The following WDR70 variants were observed in gnomAD, a reference collection of about 807,000 sequenced individuals.
WDR70 encodes the protein WD repeat domain 70, also known as WD repeat-containing protein 70.
WDR70 carries 53 observed loss-of-function variants against 88.6 expected under a neutral mutation model. That is an observed-to-expected ratio of 0.60 (90% CI 0.48 to 0.75). The LOEUF is 0.75. Ranked by LOEUF, WDR70 falls within the 30% of genes least tolerant of loss-of-function variation. The pLI is 0.00. For missense variants in WDR70, 610 were observed against 823.2 expected (o/e 0.74, Z 3.17); for synonymous variants, 280 against 270.0 (o/e 1.04, Z -0.36).
intron 3 of WDR70, among the ~76,000 whole-genome samples, chr5:37,387,464 A>G (rs1748657383): frequency 6.6e-6 from 1 of 152,188 alleles, no homozygotes; most frequent in African/African-American, 2.4e-5. Flanking sequence ...ATTTTTGTGG[A>G]CAAATTATTG....
chr5:37,489,814 C>A (rs1267035884), intron 8 of WDR70, among the ~76,000 whole-genome samples: 1 of 151,462 alleles, frequency 6.6e-6, no homozygotes, highest in Non-Finnish European at 1.5e-5. Context: ...TATTATTATA[C>A]TTTAAGTTTT....
intron 8 of WDR70, among the ~76,000 whole-genome samples, chr5:37,488,095 T>TTTTTTTTTTTC: frequency 7.0e-6 from 1 of 143,122 alleles, no homozygotes; most frequent in Non-Finnish European, 1.5e-5. Flanking sequence ...TTTTTTTTTT[T>TTTTTTTTTTTC]CCTTTCAGCA....
At chr5:37,506,242 C>G (rs1740556818) in intron 8 of WDR70, 2 of 943,732 alleles carry the variant, frequency 2.1e-6, no homozygotes, top group African/African-American at 1.6e-5. Flanking sequence ...AAAAATCGGA[C>G]AAATTCCTTT....
chr5:37,416,216 G>A (rs2111975916), intron 5 of WDR70, among the ~76,000 whole-genome samples: 3 of 152,304 alleles, frequency 2.0e-5, no homozygotes, highest in Admixed American at 2.0e-4. Flanking sequence ...TCCAGCCTGG[G>A]CACCACTGAG....
chr5:37,689,131 G>T (rs1048691870), intron 10 of WDR70, among the ~76,000 whole-genome samples: 1 of 152,242 alleles, frequency 6.6e-6, no homozygotes, highest in African/African-American at 2.4e-5. Flanking sequence ...CCTGGCTGGG[G>T]GAGGGGCGTC....
In WDR70 at chr5:37,640,881, G is replaced by A. The variant is rs192937749; in HGVS notation, c.1092+35643G>A. Among the ~76,000 whole-genome samples the A allele has an allele frequency of 2.5e-3, 384 of 152,268 alleles. 1 individual carries two copies. The highest frequency in any genetic ancestry group is 4.2e-3 in the Non-Finnish European group (285 of 68,008). ...TCACTTGAATAAAATTGAGGTTTGG[G>A]TAGCGTCCTTAAATTCTCTATAGGT... On this transcript the variant is annotated intron_variant, in intron 10 of 17. Coordinates refer to ENST00000265107, the MANE Select transcript of WDR70 (RefSeq NM_018034.4).
intron 8 of WDR70, among the ~76,000 whole-genome samples, chr5:37,510,944 C>A (rs1445264267): frequency 5.3e-5 from 8 of 152,102 alleles, no homozygotes; most frequent in African/African-American, 1.9e-4. Context: ...TTCATCATAC[C>A]AGGAAGTATG....
At chr5:37,461,469 A>G (rs908795710) in intron 7 of WDR70, among the ~76,000 whole-genome samples, 1 of 151,616 alleles carries the variant, frequency 6.6e-6, no homozygotes, top group African/African-American at 2.4e-5. Flanking sequence ...GATGGATGCT[A>G]TAGTTTTGTT....
intron 2 of WDR70, among the ~76,000 whole-genome samples, chr5:37,380,292 T>C (rs1748384998): frequency 6.6e-6 from 1 of 152,186 alleles, no homozygotes; most frequent in Non-Finnish European, 1.5e-5. Context: ...CTTACACATA[T>C]TGGCCTTGGG....
intron 9 of WDR70, among the ~76,000 whole-genome samples, chr5:37,560,335 T>A (rs556037456): frequency 6.6e-5 from 10 of 152,294 alleles, no homozygotes; most frequent in African/African-American, 2.2e-4. Context: ...TTAAAGTTAT[T>A]TCTCTGACCT....
chr5:37,537,193 G>T (rs1741692349), intron 9 of WDR70, among the ~76,000 whole-genome samples: 1 of 152,194 alleles, frequency 6.6e-6, no homozygotes, highest in African/African-American at 2.4e-5. Flanking sequence ...AGCGGAAGCA[G>T]TTGGGAAGAA....
intron 10 of WDR70, among the ~76,000 whole-genome samples, chr5:37,663,680 G>A (rs1159847570): frequency 2.0e-5 from 3 of 152,062 alleles, no homozygotes; most frequent in South Asian, 2.1e-4. Context: ...ACAATAGGCC[G>A]GACTTCTGGT....
chr5:37,516,876 C>G (rs921171833), intron 9 of WDR70, among the ~76,000 whole-genome samples: 1 of 151,596 alleles, frequency 6.6e-6, no homozygotes, highest in Non-Finnish European at 1.5e-5. Context: ...TGCCCCACCA[C>G]CACACCCGGC....
intron 3 of WDR70, among the ~76,000 whole-genome samples, chr5:37,390,363 C>T (rs1358929000): frequency 2.1e-5 from 3 of 146,338 alleles, no homozygotes; most frequent in Non-Finnish European, 3.0e-5. Flanking sequence ...TTTTGGAGAC[C>T]GAGTCTCACT....
intron 7 of WDR70, among the ~76,000 whole-genome samples, chr5:37,461,266 T>G (rs997309542): frequency 6.6e-5 from 10 of 152,050 alleles, no homozygotes; most frequent in Admixed American, 6.5e-4. Flanking sequence ...TCACAACCGC[T>G]TATTATTTTG....
chr5:37,703,169 G>C, intron 13 of WDR70, 82 bp downstream of exon 13: 6 of 1,538,856 alleles, frequency 3.9e-6, no homozygotes, highest in Non-Finnish European at 4.4e-6. Context: ...TTGTTAAGTA[G>C]AATATAAGCC....
At chr5:37,610,766 A>G (rs1744169855) in intron 10 of WDR70, among the ~76,000 whole-genome samples, 1 of 152,186 alleles carries the variant, frequency 6.6e-6, no homozygotes, top group African/African-American at 2.4e-5. Flanking sequence ...GGGAAGGCAG[A>G]GGTCAGGTGG....
intron 9 of WDR70, among the ~76,000 whole-genome samples, chr5:37,519,984 A>C (rs1006157963): frequency 6.6e-6 from 1 of 152,198 alleles, no homozygotes; most frequent in African/African-American, 2.4e-5. Context: ...TCCATGACTC[A>C]AGAATATTAT....
chr5:37,622,868 G>A (rs1428083251), intron 10 of WDR70, among the ~76,000 whole-genome samples: 2 of 152,086 alleles, frequency 1.3e-5, no homozygotes, highest in East Asian at 1.9e-4. Flanking sequence ...TTGTGCACAT[G>A]TACCCTAAAA....
Sources: allele counts gnomAD v4.1 joint callset (sites outside exome capture counted in the v4.1 genomes callset), GRCh38; gene constraint gnomAD v4.1.1; transcripts MANE v1.5; gene names NCBI Gene and HGNC (gene_info 2026-07-23, HGNC 2026-07-21).